The following RHOBTB1 variants were observed in gnomAD, a reference collection of about 807,000 sequenced individuals.
RHOBTB1 encodes the protein rho-related BTB domain-containing protein 1.
In RHOBTB1, 40 loss-of-function variants were observed where a neutral mutation model predicts 71.6. The observed-to-expected ratio is 0.56, with a 90% CI of 0.43 to 0.73. The LOEUF is 0.73. RHOBTB1 is among the 30% of genes least tolerant of loss of function. The probability of loss-of-function intolerance (pLI) is 0.00; values close to 1 mark genes in which losing one functional copy is unlikely to be tolerated. For synonymous variants in RHOBTB1, 319 were observed against 334.9 expected, an observed-to-expected ratio of 0.95 and a Z score of 0.52; for missense variants, 797 against 894.0, an observed-to-expected ratio of 0.89 and a Z score of 1.38.
At chr10:60,902,428 T>C (rs562856790) in intron 4 of RHOBTB1, among the ~76,000 whole-genome samples, 13 of 152,208 alleles carry the variant, frequency 8.5e-5, no homozygotes, top group Non-Finnish European at 1.0e-4. Flanking sequence ...AATGTTTCTC[T>C]ATATAATTAT....
chr10:60,944,247 C>G (rs992927992), upstream of RHOBTB1: 1 of 152,182 alleles, frequency 6.6e-6, no homozygotes, highest in Admixed American at 6.5e-5. Flanking sequence ...GCCCCCACCC[C>G]GCTCCCAGGC....
At chr10:60,943,647 C>T (rs1039904183) in intron 1 of RHOBTB1, among the ~76,000 whole-genome samples, 6 of 152,332 alleles carry the variant, frequency 3.9e-5, no homozygotes, top group Non-Finnish European at 5.9e-5. Flanking sequence ...CTCGTCGGCG[C>T]GGCACCACCC....
intron 4 of RHOBTB1, among the ~76,000 whole-genome samples, chr10:60,894,292 A>G (rs969795973): frequency 6.6e-6 from 1 of 152,214 alleles, no homozygotes; most frequent in Non-Finnish European, 1.5e-5. Flanking sequence ...CACAACAAAT[A>G]GAGCAGAAAA....
intron 2 of RHOBTB1, among the ~76,000 whole-genome samples, chr10:60,929,035 G>A (rs1340318715): frequency 6.6e-6 from 1 of 152,094 alleles, no homozygotes; most frequent in Non-Finnish European, 1.5e-5. Flanking sequence ...TACCAAAGGG[G>A]TAAGTGCTAT....
At position 60,888,709 on chromosome 10, in the gene RHOBTB1, A is replaced by G. The variant is rs2081741692; in HGVS notation, c.959T>C (p.Phe320Ser). The change falls in exon 6 of 11, where the codon TTC (phenylalanine) becomes TCC (serine). Residue 320 changes from phenylalanine to serine, a missense_variant. Physicochemically the swap from Phe to Ser is radical, Grantham distance 155 (BLOSUM62 -2). Around this residue, in one of 2 missense-constraint regions of RHOBTB1, gnomAD observed 658 missense variants for 681.5 expected, o/e 0.97. Transcript: ENST00000337910. ...ACEKEKQSRD[F>S]QGRILSVDPE... ...GTCGACACTCAATATCCGCCCCTGG[A>G]AATCTCTGCTCTGCTTCTCTTTCTC... 1.2e-5 allele frequency: 20 copies of G among 1,614,046 alleles called. No homozygotes were observed. Among genetic ancestry groups the G allele is most frequent in the Non-Finnish European group, 1.6e-5 (19 of 1,180,012 alleles).
intron 4 of RHOBTB1, among the ~76,000 whole-genome samples, chr10:60,900,606 A>G (rs1224660154): frequency 6.6e-6 from 1 of 152,164 alleles, no homozygotes. Context: ...CACACAGTGT[A>G]AGGAAACAGG....
chr10:60,930,116 A>G (rs2084150118), intron 2 of RHOBTB1, among the ~76,000 whole-genome samples: 1 of 152,222 alleles, frequency 6.6e-6, no homozygotes, highest in Non-Finnish European at 1.5e-5. Flanking sequence ...TATCCATCTA[A>G]GGTAACAATT....
At chr10:60,999,629 C>T (rs1227356035) in intron 1 of RHOBTB1, among the ~76,000 whole-genome samples, 1 of 152,226 alleles carries the variant, frequency 6.6e-6, no homozygotes, top group Non-Finnish European at 1.5e-5. Context: ...AGTAGGTATA[C>T]AGATTTTCTT....
chr10:60,884,793 A>G (rs1444934681), intron 7 of RHOBTB1, among the ~76,000 whole-genome samples: 4 of 152,212 alleles, frequency 2.6e-5, no homozygotes, highest in Non-Finnish European at 5.9e-5. Flanking sequence ...GTTGAACTCC[A>G]AAGTAGAGAG....
intron 2 of RHOBTB1, among the ~76,000 whole-genome samples, chr10:60,953,507 C>T (rs1166092921): frequency 6.6e-6 from 1 of 152,160 alleles, no homozygotes; most frequent in Non-Finnish European, 1.5e-5. Context: ...GTTTTCAATA[C>T]CTCAATCCGA....
chr10:60,954,475 T>G (rs573618700), intron 2 of RHOBTB1, among the ~76,000 whole-genome samples: 3 of 152,342 alleles, frequency 2.0e-5, no homozygotes, highest in African/African-American at 4.8e-5. Context: ...GTTTTATTAT[T>G]TACTCACTGA....
Position 60,910,922 on chromosome 10 carries a change from A to G in RHOBTB1, c.261T>C (p.Gly87=). ...SVSLRLWDTF[G]DHHKDRRFAY... ...CAAAGCGTCTGTCTTTGTGATGATC[A>G]CCAAAAGTATCCCAAAGCCTGAGAG... The change falls in exon 4 of 11, where the codon GGT becomes GGC. Residue 87 remains glycine (G), a synonymous_variant. Coordinates refer to ENST00000337910, the MANE Select transcript of RHOBTB1 (RefSeq NM_014836.5). 1 of 1,614,118 alleles carries G rather than the reference A, an allele frequency of 6.2e-7. No homozygotes were observed. The highest frequency in any genetic ancestry group is 1.7e-5 in the Admixed American group (1 of 60,008).
At chr10:60,902,556 A>G (rs750593) in intron 4 of RHOBTB1, among the ~76,000 whole-genome samples, 44,907 of 152,052 alleles carry the variant, frequency 0.3, 9,633 homozygotes, top group African/African-American at 0.61. Flanking sequence ...ACTCATTCAC[A>G]AAAGGCATTA....
chr10:60,920,634 T>TTTAAG (rs1175163636), intron 2 of RHOBTB1, among the ~76,000 whole-genome samples: 1 of 151,432 alleles, frequency 6.6e-6, no homozygotes, highest in African/African-American at 2.4e-5. Context: ...TTTTTTTTTT[T>TTTAAG]TTAAGTTTTG....
intron 2 of RHOBTB1, among the ~76,000 whole-genome samples, chr10:60,960,765 G>T (rs1048052351): frequency 2.0e-5 from 3 of 152,174 alleles, no homozygotes; most frequent in African/African-American, 7.2e-5. Flanking sequence ...CTAATGGCCT[G>T]CACCCTTTGA....
chr10:60,882,854 C>T (rs2081389070), intron 7 of RHOBTB1, among the ~76,000 whole-genome samples: 1 of 152,140 alleles, frequency 6.6e-6, no homozygotes, highest in African/African-American at 2.4e-5. Flanking sequence ...ACCCTTAACC[C>T]CGTATGGAAA....
At chr10:60,928,855 A>T (rs902704900) in intron 2 of RHOBTB1, among the ~76,000 whole-genome samples, 1 of 152,190 alleles carries the variant, frequency 6.6e-6, no homozygotes, top group Admixed American at 6.5e-5. Context: ...CTGTTCTCAC[A>T]TTGCTATAAA....
chr10:60,937,844 C>T (rs546406796), intron 2 of RHOBTB1, among the ~76,000 whole-genome samples: 8 of 152,272 alleles, frequency 5.3e-5, no homozygotes, highest in African/African-American at 1.2e-4. Flanking sequence ...GACTTTCTTT[C>T]GAGATACTCT....
chr10:60,920,125 G>C (rs2083474391), intron 2 of RHOBTB1, among the ~76,000 whole-genome samples: 1 of 151,480 alleles, frequency 6.6e-6, no homozygotes, highest in African/African-American at 2.4e-5. Flanking sequence ...CTTTCCTCGT[G>C]CCCTTAACTC....
Sources: allele counts gnomAD v4.1 joint callset (sites outside exome capture counted in the v4.1 genomes callset), GRCh38; gene constraint gnomAD v4.1.1; regional missense constraint gnomAD v4.1.1; transcripts MANE v1.5; gene names NCBI Gene and HGNC (gene_info 2026-07-23, HGNC 2026-07-21).